The following CACNA1I variants were observed in gnomAD, a reference collection of about 807,000 sequenced individuals.
CACNA1I encodes calcium voltage-gated channel subunit alpha1 I, also known as voltage-dependent T-type calcium channel subunit alpha-1I.
CACNA1I carries 74 observed loss-of-function variants against 201.6 expected under a neutral mutation model. That is an observed-to-expected ratio of 0.37 (90% CI 0.30 to 0.45). The LOEUF (loss-of-function observed/expected upper bound fraction) is 0.45. Among genes scored for constraint, CACNA1I ranks in the 20% least tolerant of loss-of-function variants. The probability of loss-of-function intolerance (pLI) is 1.00; values close to 1 mark genes in which losing one functional copy is unlikely to be tolerated. For missense variants in CACNA1I, 2,346 were observed against 3,138.1 expected (o/e 0.75, Z 6.03); for synonymous variants, 1,431 against 1,345.2 (o/e 1.06, Z -1.40).
At chr22:39,652,221 C>T (rs1033281423) in intron 10 of CACNA1I, among the ~76,000 whole-genome samples, 2 of 152,168 alleles carry the variant, frequency 1.3e-5, no homozygotes, top group African/African-American at 4.8e-5. Flanking sequence ...GTCTTGAACT[C>T]CTGACCTCAG....
At chr22:39,598,622 C>A (rs1431634716) in intron 2 of CACNA1I, among the ~76,000 whole-genome samples, 1 of 152,088 alleles carries the variant, frequency 6.6e-6, no homozygotes, top group Non-Finnish European at 1.5e-5. Flanking sequence ...CCGCCACATG[C>A]ACACCTGCAA....
chr22:39,585,951 G>A (rs1932738963), intron 1 of CACNA1I, among the ~76,000 whole-genome samples: 1 of 151,852 alleles, frequency 6.6e-6, no homozygotes, highest in South Asian at 2.1e-4. Flanking sequence ...AGGCCGAGGT[G>A]GGTGGATCAC....
At chr22:39,628,768 T>C (rs150738973) in intron 4 of CACNA1I, among the ~76,000 whole-genome samples, 202 of 152,204 alleles carry the variant, frequency 1.3e-3, no homozygotes, top group Middle Eastern at 0.01. Flanking sequence ...CCAGCCCCTT[T>C]ACTGACCTGG....
rs1935803194 is a variant in CACNA1I, at chr22:39,684,614, A to G, written c.6027+116A>G. Reference sequence around the variant, plus strand: ...AAGGACCCAACCAAAGGCCGAGGGCACCACCGTGCAAGGGGGTTTGGGAAC... The same window carrying G: ...AAGGACCCAACCAAAGGCCGAGGGCGCCACCGTGCAAGGGGGTTTGGGAAC... On this transcript the variant is annotated intron_variant, in intron 36 of 36. Transcript: ENST00000402142. This position sits in a 1 kb window ranked among gnomAD's most constrained non-coding sequence, Gnocchi z 4.6. The G allele has an allele frequency of 8.9e-7, 1 of 1,129,434 alleles. No homozygotes were observed. The highest frequency in any genetic ancestry group is 1.3e-6 in the Non-Finnish European group (1 of 775,386). 70.0% of individuals were successfully genotyped at this position (1,129,434 alleles called of 1,614,324 possible). A position where few individuals can be genotyped will look rare whatever the true frequency, so the allele number is the denominator to read the frequency against.
At chr22:39,645,281 C>T (rs1037611079) in intron 7 of CACNA1I, among the ~76,000 whole-genome samples, 1 of 152,258 alleles carries the variant, frequency 6.6e-6, no homozygotes, top group Non-Finnish European at 1.5e-5. Context: ...GCCACCGCAC[C>T]TGGCTTCCTT....
In CACNA1I at chr22:39,649,804, A is replaced by G; in HGVS notation, c.1871A>G (p.Asp624Gly). The G allele has an allele frequency of 6.2e-7, 1 of 1,612,622 alleles. No individual in the cohort carries two copies. The highest frequency in any genetic ancestry group is 8.5e-7 in the Non-Finnish European group (1 of 1,179,462). ...QADGAVWLCG[D>G]VWRETRAKLR... ...GATGGGGCGGTCTGGCTGTGCGGGG[A>G]TGTGTGGCGGGAGACGCGAGCCAAG... The change falls in exon 10 of 37, where the codon GAT becomes GGT. Residue 624 changes from aspartate to glycine, a missense_variant. Physicochemically the swap from Asp to Gly is moderately conservative, Grantham distance 94 (BLOSUM62 -1). Around this residue, in one of 13 missense-constraint regions of CACNA1I, gnomAD observed 312 missense variants for 331.5 expected, o/e 0.94. Transcript: ENST00000402142. This position sits in a 1 kb window ranked among gnomAD's most constrained non-coding sequence, Gnocchi z 7.3.
chr22:39,678,543 C>T lies in CACNA1I; in HGVS notation c.5055+435C>T, dbSNP rs190560306. Among the ~76,000 whole-genome samples, 552 of 152,268 alleles carry T rather than the reference C, an allele frequency of 3.6e-3. 6 individuals are homozygous for T. Among genetic ancestry groups the T allele is most frequent in the African/African-American group, 0.013 (530 of 41,564 alleles). On this transcript the variant is annotated intron_variant, in intron 31 of 36. Transcript: ENST00000402142. ...GAGGACAGGGGTAAGGCCTCGGTTC[C>T]GGGGCCCTAGGGTGGAGAGGGCAGA...
chr22:39,623,422 G>A lies in CACNA1I; in HGVS notation c.580+4015G>A, dbSNP rs537013635. Among the ~76,000 whole-genome samples, 22 of 152,150 alleles carry A rather than the reference G, an allele frequency of 1.4e-4. No individual in the cohort carries two copies. In the South Asian group the frequency reaches 4.4e-3, roughly 30 times the overall value. The stretch of plus-strand genomic sequence containing the variant: ...CACGTGAATGGGCACATGTAAGGGT[G>A]TGTACATGTGAGAGTGCGTGCCTAT... On this transcript the variant is annotated intron_variant, in intron 4 of 36. Coordinates refer to ENST00000402142, the MANE Select transcript of CACNA1I (RefSeq NM_021096.4).
intron 17 of CACNA1I, 61 bp downstream of exon 17, chr22:39,662,496 GC>G: frequency 8.0e-7 from 1 of 1,244,460 alleles, no homozygotes; most frequent in Non-Finnish European, 1.1e-6. Context: ...AGTGGGTGCG[GC>G]CCCAGGAGGC....
intron 31 of CACNA1I, 84 bp from the exon 32 acceptor site, chr22:39,679,023 G>A (rs994275983): frequency 1.1e-4 from 115 of 1,078,726 alleles, no homozygotes; most frequent in African/African-American, 4.3e-4. Flanking sequence ...TGCTGCCTCC[G>A]AGCGTGGCCC....
At chr22:39,626,376 C>T (rs1383974926) in intron 4 of CACNA1I, among the ~76,000 whole-genome samples, 3 of 152,116 alleles carry the variant, frequency 2.0e-5, no homozygotes, top group African/African-American at 4.8e-5. Context: ...TGAGGGTGGA[C>T]GTAGAGTGTC....
chr22:39,640,826 C>A, intron 5 of CACNA1I, 41 bp from the exon 6 acceptor site: 1 of 1,522,384 alleles, frequency 6.6e-7, no homozygotes, highest in Non-Finnish European at 8.9e-7. Context: ...GACAGTGACC[C>A]CTCCCCTTTC....
At position 39,681,046 on chromosome 22, in the gene CACNA1I, C is replaced by T. The variant is rs778821984; in HGVS notation, c.5658C>T (p.Asp1886=). The T allele has an allele frequency of 2.8e-5, 45 of 1,609,008 alleles. No homozygotes were observed. Among genetic ancestry groups the T allele is most frequent in the South Asian group, 2.7e-4 (24 of 90,480 alleles). ...DPTACPPGRK[D]SKGELDPPEP... ...CAGCCTGCCCACCTGGCCGCAAAGA[C>T]AGCAAGGTCAGCTCCCCTGGGGACT... Residue 1886 remains aspartate, a synonymous_variant, in exon 34 of 37, where the codon GAC becomes GAT. Coordinates refer to ENST00000402142, the MANE Select transcript of CACNA1I (RefSeq NM_021096.4).
In CACNA1I at chr22:39,576,792, C is replaced by T. The variant is rs921559118; in HGVS notation, c.236+5804C>T. Among the ~76,000 whole-genome samples the T allele has an allele frequency of 1.1e-4, 17 of 152,148 alleles. No homozygotes were observed. In the South Asian group the frequency reaches 2.9e-3, roughly 26 times the overall value. ...CTGTCCAGGGCACCCATTTCCCGGC[C>T]GCCCTCCTCGTGGGTGGGCCCCCGC... is the stretch of plus-strand genomic sequence containing the variant. On this transcript the variant is annotated intron_variant, in intron 1 of 36. Coordinates refer to ENST00000402142, the MANE Select transcript of CACNA1I (RefSeq NM_021096.4).
intron 4 of CACNA1I, among the ~76,000 whole-genome samples, chr22:39,631,987 C>T (rs982688476): frequency 2.6e-5 from 4 of 151,972 alleles, no homozygotes; most frequent in African/African-American, 4.8e-5. Flanking sequence ...CTGTGAAGTG[C>T]GCTGGGGCCC....
intron 5 of CACNA1I, among the ~76,000 whole-genome samples, chr22:39,640,258 G>A (rs571774790): frequency 2.4e-4 from 36 of 152,258 alleles, no homozygotes; most frequent in Admixed American, 7.8e-4. Flanking sequence ...GTATGGTGGT[G>A]TGCACCTATA....
Position 39,634,695 on chromosome 22 carries a change from C to T in CACNA1I, c.711C>T (p.Asn237=), listed in dbSNP as rs1206627020. Reference sequence around the variant, plus strand: ...AGCTCTGGGCGGGCCTGCTGCGTAACCGCTGCTTCCTGGAGGAGAACTTCA... The same window carrying T: ...AGCTCTGGGCGGGCCTGCTGCGTAATCGCTGCTTCCTGGAGGAGAACTTCA... ...GVQLWAGLLR[N]RCFLEENFTI... Residue 237 remains asparagine (N), a synonymous_variant, in exon 5 of 37, where the codon AAC becomes AAT. Transcript: ENST00000402142. 6.2e-7 allele frequency: 1 copy of T among 1,613,792 alleles called. No homozygotes were observed. The highest frequency in any genetic ancestry group is 2.2e-5 in the East Asian group (1 of 44,880).
chr22:39,682,315 C>G (rs560442788), intron 34 of CACNA1I, among the ~76,000 whole-genome samples, 181 bp from the exon 35 acceptor site: 37 of 152,246 alleles, frequency 2.4e-4, no homozygotes, highest in Non-Finnish European at 4.6e-4. Context: ...AGTGGGCATT[C>G]GGAGGTGGAT....
At chr22:39,630,874 AG>A (rs1001471871) in intron 4 of CACNA1I, among the ~76,000 whole-genome samples, 3 of 151,860 alleles carry the variant, frequency 2.0e-5, no homozygotes, top group Non-Finnish European at 4.4e-5. Context: ...GGCAGGGTGG[AG>A]GAGGTGTCGT....
Sources: allele counts gnomAD v4.1 joint callset (sites outside exome capture counted in the v4.1 genomes callset), GRCh38; gene constraint gnomAD v4.1.1; regional missense constraint gnomAD v4.1.1; non-coding constraint Gnocchi (gnomAD v3.1); transcripts MANE v1.5; gene names NCBI Gene and HGNC (gene_info 2026-07-23, HGNC 2026-07-21).